FHIP2B: variants seen among roughly 807,000 people sequenced by gnomAD.
The protein encoded by FHIP2B is FHF complex subunit HOOK-interacting protein 2B.
A neutral mutation model predicts 84.0 loss-of-function variants in FHIP2B; 72 were observed. That is an observed-to-expected ratio of 0.86 (90% CI 0.71 to 1.04). The LOEUF (loss-of-function observed/expected upper bound fraction) is 1.04. Ranked by LOEUF, FHIP2B falls within the 50% of genes least tolerant of loss-of-function variation. The probability of loss-of-function intolerance (pLI) is 0.00; values close to 1 mark genes in which losing one functional copy is unlikely to be tolerated. For synonymous variants in FHIP2B, 497 were observed against 418.7 expected (o/e 1.19, Z -2.28); for missense variants, 972 against 968.9 (o/e 1.00, Z -0.04).
At chr8:22,093,684 T>C (rs899650520) in intron 1 of FHIP2B, among the ~76,000 whole-genome samples, 1 of 146,706 alleles carries the variant, frequency 6.8e-6, no homozygotes, top group South Asian at 2.2e-4. Flanking sequence ...GACTCTCAGA[T>C]TGAGAGGAAT....
chr8:22,099,700 G>T lies in FHIP2B; in HGVS notation c.1152-4G>T. On this transcript the variant is annotated splice_region_variant and splice_polypyrimidine_tract_variant and intron_variant, in intron 9 of 16. Coordinates refer to ENST00000289921, the MANE Select transcript of FHIP2B (RefSeq NM_022749.7). ...GGCCTGGCTAAGGTGCCCTCTTCCC[G>T]TAGGTCCGAGCAGAGCATCTTGACC... The T allele has an allele frequency of 4.5e-6, 7 of 1,566,508 alleles. No individual in the cohort carries two copies. Among genetic ancestry groups the T allele is most frequent in the Non-Finnish European group, 6.0e-6 (7 of 1,161,566 alleles).
chr8:22,100,698 G>A lies in FHIP2B; in HGVS notation c.1446G>A (p.Val482=). The A allele has an allele frequency of 6.2e-7, 1 of 1,605,556 alleles. No individual in the cohort carries two copies. The highest frequency in any genetic ancestry group is 1.3e-5 in the African/African-American group (1 of 74,780). ...VLRNLEGRPY[V]AWGSPEPESY... ...GCAACCTTGAGGGCCGCCCTTACGT[G>A]GCCTGGGGCTCACCAGAGCCTGAGA... Residue 482 remains valine (V), a synonymous_variant, in exon 11 of 17, where the codon GTG becomes GTA. Transcript: ENST00000289921.
rs1370997327 is a variant in FHIP2B, at chr8:22,103,034, C to T, written c.*103C>T. 2 of 1,412,630 alleles carry T rather than the reference C, an allele frequency of 1.4e-6. No individual in the cohort carries two copies. The highest frequency in any genetic ancestry group is 1.9e-6 in the Non-Finnish European group (2 of 1,055,886). 87.5% of individuals were successfully genotyped at this position (1,412,630 alleles called of 1,614,324 possible). A position where few individuals can be genotyped will look rare whatever the true frequency, so the allele number is the denominator to read the frequency against. On this transcript the variant is annotated 3_prime_UTR_variant, in exon 17 of 17. Coordinates refer to ENST00000289921, the MANE Select transcript of FHIP2B (RefSeq NM_022749.7). ...CTCCCCTCCTGGGATGGGGCTTCTG[C>T]TCCCGGGCTCACTCAAGGAGACTGC...
At position 22,098,697 on chromosome 8, in the gene FHIP2B, C is replaced by A. The variant is rs1825933902; in HGVS notation, c.965+78C>A. On this transcript the variant is annotated intron_variant, in intron 7 of 16. Transcript: ENST00000289921. ...TGCCTGTCTTTGGTGGCCAGCTCCCCTGGGGTTCCACGTTGCTAGGGACCC... is the reference window on the plus strand; with the variant it reads ...TGCCTGTCTTTGGTGGCCAGCTCCCATGGGGTTCCACGTTGCTAGGGACCC... 1.4e-5 allele frequency: 20 copies of A among 1,412,780 alleles called. No individual in the cohort carries two copies. In the South Asian group the frequency reaches 2.8e-4, roughly 20 times the overall value. The allele number at this position is 1,412,780 out of a possible 1,614,324, so 87.5% of individuals were successfully genotyped here.
intron 1 of FHIP2B, chr8:22,089,873 C>T: frequency 7.9e-7 from 1 of 1,261,064 alleles, no homozygotes; most frequent in Non-Finnish European, 1.0e-6. Context: ...CCGGGGCAGG[C>T]TGGTGGGCCC....
At position 22,101,433 on chromosome 8, in the gene FHIP2B, C is replaced by A; in HGVS notation, c.1617-7C>A. ...GGAGCGCCTCCACACCGGCTTCTAT[C>A]TCTCAGTTTCCTGTGCCTGGTCCCC... On this transcript the variant is annotated splice_region_variant and splice_polypyrimidine_tract_variant and intron_variant, in intron 12 of 16. Transcript: ENST00000289921. The A allele has an allele frequency of 6.2e-7, 1 of 1,604,174 alleles. No individual in the cohort carries two copies. The highest frequency in any genetic ancestry group is 8.5e-7 in the Non-Finnish European group (1 of 1,174,948).
chr8:22,093,318 GTT>G (rs1825591824), intron 1 of FHIP2B, among the ~76,000 whole-genome samples: 4 of 74,226 alleles, frequency 5.4e-5, no homozygotes, highest in Non-Finnish European at 1.0e-4. Flanking sequence ...AAGGAATGGT[GTT>G]GTTGTTGTTG....
rs767120516 is a variant in FHIP2B, at chr8:22,102,332, C to G, written c.1992+17C>G. On this transcript the variant is annotated intron_variant, in intron 15 of 16. Coordinates refer to ENST00000289921, the MANE Select transcript of FHIP2B (RefSeq NM_022749.7). ...TTGGTGAGGGTGAGGACGCCTCGGC[C>G]CAAGGGAGTGTGCCTAGTGAGGTGG... 7 of 1,610,910 alleles carry G rather than the reference C, an allele frequency of 4.3e-6. No homozygotes were observed. In the East Asian group the frequency reaches 6.7e-5, roughly 15 times the overall value.
At chr8:22,092,916 T>A (rs1264673480) in intron 1 of FHIP2B, among the ~76,000 whole-genome samples, 1 of 152,214 alleles carries the variant, frequency 6.6e-6, no homozygotes, top group African/African-American at 2.4e-5. Context: ...CGTTATTCAA[T>A]GCGGTTTTAT....
chr8:22,098,697 CT>C, intron 7 of FHIP2B, 78 bp downstream of exon 7: 1 of 1,412,898 alleles, frequency 7.1e-7, no homozygotes, highest in Non-Finnish European at 9.5e-7. Context: ...GCCAGCTCCC[CT>C]GGGGTTCCAC....
In FHIP2B at chr8:22,096,449, C is replaced by T; in HGVS notation, c.237C>T (p.Cys79=). 1.9e-6 allele frequency: 3 copies of T among 1,554,430 alleles called. No individual in the cohort carries two copies. The highest frequency in any genetic ancestry group is 2.6e-6 in the Non-Finnish European group (3 of 1,149,006). The change falls in exon 3 of 17, where the codon TGC becomes TGT. Residue 79 remains cysteine, a synonymous_variant. Transcript: ENST00000289921. The part of the protein sequence containing the change: ...QQAAAGEAGP[C]LEYLLQHKIL... The stretch of plus-strand genomic sequence containing the variant: ...CGGCCGCGGGTGAGGCAGGGCCCTG[C>T]CTGGAGTACCTGCTGCAGCACAAGA...
chr8:22,101,836 C>A lies in FHIP2B; in HGVS notation c.1836C>A (p.Ser612=), dbSNP rs773360877. The change falls in exon 14 of 17, where the codon TCC becomes TCA. Residue 612 remains serine, a synonymous_variant. Coordinates refer to ENST00000289921, the MANE Select transcript of FHIP2B (RefSeq NM_022749.7). ...HFLRVLFDRM[S]RILDQPYSLN... ...TCCGAGTGCTGTTTGACCGCATGTC[C>A]CGGATTCTGGATCAGGTAGCTAGTG... The A allele has an allele frequency of 3.7e-6, 6 of 1,613,516 alleles. 1 individual carries two copies. The South Asian group carries it at 6.6e-5, about 18-fold the overall frequency.
Position 22,096,503 on chromosome 8 carries a change from G to T in FHIP2B, c.291G>T (p.Lys97Asn). The change falls in exon 3 of 17, where the codon AAG becomes AAT. Residue 97 changes from lysine (K) to asparagine (N), a missense_variant. Physicochemically the swap from Lys to Asn is moderately conservative, Grantham distance 94. Transcript: ENST00000289921. ...KILETLCTLG[K>N]AEYPPGMRQQ... ...TGGAGACTCTCTGCACGCTGGGCAA[G>T]GCCGAGGTGGGAGGCCCTCTGCGCG... 6.5e-7 allele frequency: 1 copy of T among 1,532,630 alleles called. No homozygotes were observed. The highest frequency in any genetic ancestry group is 8.8e-7 in the Non-Finnish European group (1 of 1,134,750). 94.9% of individuals were successfully genotyped at this position (1,532,630 alleles called of 1,614,324 possible).
Position 22,103,840 on chromosome 8 carries a change from G to A in FHIP2B, c.*909G>A, listed in dbSNP as rs538401472. On this transcript the variant is annotated 3_prime_UTR_variant, in exon 17 of 17. Transcript: ENST00000289921. The stretch of plus-strand genomic sequence containing the variant: ...GACTCCAGGCCCCTGAGCCTGGCGG[G>A]AAGTGGCTGCGGCCCAGGCAGCCAG... 6.5e-6 allele frequency: 1 copy of A among 152,730 alleles called. No homozygotes were observed. Among genetic ancestry groups the A allele is most frequent in the East Asian group, 1.9e-4 (1 of 5,184 alleles). 9.5% of individuals were successfully genotyped at this position (152,730 alleles called of 1,614,324 possible).
rs1826252861 is a variant in FHIP2B, at chr8:22,103,742, C to A, written c.*811C>A. On this transcript the variant is annotated 3_prime_UTR_variant, in exon 17 of 17. Coordinates refer to ENST00000289921, the MANE Select transcript of FHIP2B (RefSeq NM_022749.7). Reference sequence around the variant, plus strand: ...CCTTGCCCTCCCTTCTGCCCAGGGCCCAGTGTTCTTGATAGAAGACCCTTC... The same window carrying A: ...CCTTGCCCTCCCTTCTGCCCAGGGCACAGTGTTCTTGATAGAAGACCCTTC... 2 of 152,456 alleles carry A rather than the reference C, an allele frequency of 1.3e-5. No homozygotes were observed. The highest frequency in any genetic ancestry group is 3.9e-4 in the East Asian group (2 of 5,160). The allele number at this position is 152,456 out of a possible 1,614,324, so 9.4% of individuals were successfully genotyped here.
intron 1 of FHIP2B, among the ~76,000 whole-genome samples, chr8:22,091,951 A>G (rs1825514015): frequency 6.6e-6 from 1 of 152,242 alleles, no homozygotes; most frequent in Non-Finnish European, 1.5e-5. Flanking sequence ...TGTAAAACAC[A>G]GAACCCTGGC....
intron 4 of FHIP2B, 42 bp downstream of exon 4, chr8:22,097,662 C>T (rs1825851384): frequency 6.2e-7 from 1 of 1,604,990 alleles, no homozygotes; most frequent in Non-Finnish European, 8.5e-7. Flanking sequence ...GTGTGAGGCC[C>T]CCTCTCTCCC....
chr8:22,099,088 A>T (rs370621432), intron 8 of FHIP2B, 32 bp downstream of exon 8: 1 of 1,541,044 alleles, frequency 6.5e-7, no homozygotes, highest in African/African-American at 1.4e-5. Context: ...CCGGGCTCTC[A>T]TGCTGTTCCC....
At chr8:22,092,673 G>C (rs970019038) in intron 1 of FHIP2B, among the ~76,000 whole-genome samples, 4 of 150,352 alleles carry the variant, frequency 2.7e-5, no homozygotes, top group Non-Finnish European at 4.4e-5. Context: ...CTTGGCATTA[G>C]AGACTCCGAA....
Sources: gnomAD v4.1 joint callset for allele counts (sites outside exome capture counted in the v4.1 genomes callset) on GRCh38, gnomAD v4.1.1 for gene constraint, MANE v1.5 for transcripts, NCBI Gene and HGNC (gene_info 2026-07-23, HGNC 2026-07-21) for gene names.